Variants in RRAGD observed in about 807,000 individuals in gnomAD.
RRAGD encodes ras-related GTP-binding protein D.
A neutral mutation model predicts 35.5 loss-of-function variants in RRAGD; 12 were observed. The observed-to-expected ratio is 0.34, with a 90% CI of 0.22 to 0.55. The LOEUF is 0.55. Ranked by LOEUF, RRAGD falls within the 20% of genes least tolerant of loss-of-function variation. The pLI is 0.91. For missense variants in RRAGD, 324 were observed against 490.1 expected (o/e 0.66, Z 3.20); for synonymous variants, 155 against 178.9 (o/e 0.87, Z 1.07).
At chr6:89,407,454 A>G (rs754764855) in intron 1 of RRAGD, among the ~76,000 whole-genome samples, 1 of 152,196 alleles carries the variant, frequency 6.6e-6, no homozygotes, top group East Asian at 1.9e-4. Flanking sequence ...CCTGGTCAAC[A>G]TGGTGAAACC....
chr6:89,402,888 C>T (rs1226863759), intron 1 of RRAGD, among the ~76,000 whole-genome samples: 1 of 152,200 alleles, frequency 6.6e-6, no homozygotes, highest in Non-Finnish European at 1.5e-5. Context: ...ACTCCAACCT[C>T]TCATCAACCT....
intron 5 of RRAGD, among the ~76,000 whole-genome samples, chr6:89,374,217 A>G (rs1341684155): frequency 2.0e-5 from 3 of 152,210 alleles, no homozygotes; most frequent in Admixed American, 6.5e-5. Flanking sequence ...AGGCTAGGGG[A>G]AAATAAGATA....
In RRAGD at chr6:89,411,163, C is replaced by T. The variant is rs1365386520; in HGVS notation, c.148+683G>A. ...TTGAAGCAAAGAATTCCCCGCCGCG[C>T]GCTCACTCCCGGGCAGGCACTGCCA... On this transcript the variant is annotated intron_variant, in intron 1 of 6. Coordinates refer to ENST00000369415, the MANE Select transcript of RRAGD (RefSeq NM_021244.5). This position sits in a 1 kb window ranked among gnomAD's most constrained non-coding sequence, Gnocchi z 5.6. Among the ~76,000 whole-genome samples the T allele has an allele frequency of 6.6e-6, 1 of 152,250 alleles. No individual in the cohort carries two copies. The highest frequency in any genetic ancestry group is 1.5e-5 in the Non-Finnish European group (1 of 68,040).
rs1365596815 is a variant in RRAGD, at chr6:89,367,116, AAAGTCCAGAATTGTATCTATGTTTTT to A, written c.*914_*939del. ...CACACCAGACCATCGCACAGGGCCA[AAAGTCCAGAATTGTATCTATGTTTTT>A]TAGTCTGCAGTTGCCAATCACATAC... On this transcript the variant is annotated 3_prime_UTR_variant, in exon 7 of 7. Coordinates refer to ENST00000369415, the MANE Select transcript of RRAGD (RefSeq NM_021244.5). 2.0e-5 allele frequency: 3 copies of A among 152,216 alleles called. No individual in the cohort carries two copies. Among genetic ancestry groups the A allele is most frequent in the African/African-American group, 7.2e-5 (3 of 41,446 alleles). 9.4% of individuals were successfully genotyped at this position (152,216 alleles called of 1,614,324 possible). A position where few individuals can be genotyped will look rare whatever the true frequency, so the allele number is the denominator to read the frequency against.
At chr6:89,399,207 C>T (rs749411112) in intron 1 of RRAGD, among the ~76,000 whole-genome samples, 4 of 152,128 alleles carry the variant, frequency 2.6e-5, no homozygotes, top group African/African-American at 7.2e-5. Flanking sequence ...GGGAGGGTGG[C>T]GAGGTGACAG....
chr6:89,367,876 C>T lies in RRAGD; in HGVS notation c.*180G>A, dbSNP rs2127882604. The T allele has an allele frequency of 4.3e-6, 2 of 463,192 alleles. No individual in the cohort carries two copies. The highest frequency in any genetic ancestry group is 1.5e-4 in the South Asian group (2 of 13,010). 28.7% of individuals were successfully genotyped at this position (463,192 alleles called of 1,614,324 possible). A position where few individuals can be genotyped will look rare whatever the true frequency, so the allele number is the denominator to read the frequency against. ...ATCACTGTTAATATACAAGTTTTTG[C>T]TTCAAAGTGCTTACTTTATTTATAA... is the stretch of plus-strand genomic sequence containing the variant. On this transcript the variant is annotated 3_prime_UTR_variant, in exon 7 of 7. Coordinates refer to ENST00000369415, the MANE Select transcript of RRAGD (RefSeq NM_021244.5).
intron 6 of RRAGD, 88 bp downstream of exon 6, chr6:89,372,349 G>A (rs1228076210): frequency 1.9e-5 from 26 of 1,403,512 alleles, no homozygotes; most frequent in Non-Finnish European, 2.3e-5. Flanking sequence ...GGGCTATGCT[G>A]TTGTCCACCC....
chr6:89,395,821 T>C (rs998783212), intron 1 of RRAGD, among the ~76,000 whole-genome samples: 8 of 151,874 alleles, frequency 5.3e-5, no homozygotes, highest in African/African-American at 1.9e-4. Context: ...GACAGACAAA[T>C]AGACAAACAG....
chr6:89,404,411 C>T (rs1166955171), intron 1 of RRAGD, among the ~76,000 whole-genome samples: 1 of 152,190 alleles, frequency 6.6e-6, no homozygotes, highest in Non-Finnish European at 1.5e-5. Flanking sequence ...CAGATCAGCA[C>T]TTGGAACTGG....
At chr6:89,408,220 C>A (rs578093780) in intron 1 of RRAGD, among the ~76,000 whole-genome samples, 1 of 151,912 alleles carries the variant, frequency 6.6e-6, no homozygotes. Context: ...CTAAATACTT[C>A]GCTCATTTCT....
At position 89,367,023 on chromosome 6, in the gene RRAGD, G is replaced by A. The variant is rs1006594583; in HGVS notation, c.*1033C>T. 6.6e-5 allele frequency: 10 copies of A among 152,198 alleles called. No individual in the cohort carries two copies. 9.4% of individuals were successfully genotyped at this position (152,198 alleles called of 1,614,324 possible). On this transcript the variant is annotated 3_prime_UTR_variant, in exon 7 of 7. Coordinates refer to ENST00000369415, the MANE Select transcript of RRAGD (RefSeq NM_021244.5). Reference sequence around the variant, plus strand: ...ATTGAGCTCCATGGTGGGGTTCTGCGATTTGTTCTATTCACTATGGTCATG... The same window carrying A: ...ATTGAGCTCCATGGTGGGGTTCTGCAATTTGTTCTATTCACTATGGTCATG...
At chr6:89,376,705 GCT>G (rs150438887) in intron 5 of RRAGD, among the ~76,000 whole-genome samples, 5,578 of 152,074 alleles carry the variant, frequency 0.037, 350 homozygotes, top group African/African-American at 0.13. Flanking sequence ...TGTATAGGAA[GCT>G]CTGTTTTCTA....
chr6:89,381,321 GA>G (rs1769038558), intron 2 of RRAGD, among the ~76,000 whole-genome samples: 1 of 152,124 alleles, frequency 6.6e-6, no homozygotes, highest in South Asian at 2.1e-4. Flanking sequence ...CCCCTTTACA[GA>G]AAAAGTCCCC....
Position 89,412,039 on chromosome 6 carries a change from TGG to T in RRAGD, c.-48_-47del, listed in dbSNP as rs1562472922. 2.7e-6 allele frequency: 4 copies of T among 1,506,012 alleles called. No individual in the cohort carries two copies. Among genetic ancestry groups the T allele is most frequent in the Non-Finnish European group, 3.5e-6 (4 of 1,131,830 alleles). The allele number at this position is 1,506,012 out of a possible 1,614,324, so 93.3% of individuals were successfully genotyped here. On this transcript the variant is annotated 5_prime_UTR_variant, in exon 1 of 7. Coordinates refer to ENST00000369415, the MANE Select transcript of RRAGD (RefSeq NM_021244.5). This position sits in a 1 kb window ranked among gnomAD's most constrained non-coding sequence, Gnocchi z 4.2. The stretch of plus-strand genomic sequence containing the variant: ...CCCGGGGACGGCGGGGGTCCCGGGG[TGG>T]GGGCCAAGCCTCCTAGCCGGCCGCC...
At chr6:89,373,995 A>G (rs555238366) in intron 5 of RRAGD, among the ~76,000 whole-genome samples, 4 of 152,292 alleles carry the variant, frequency 2.6e-5, no homozygotes, top group Non-Finnish European at 4.4e-5. Flanking sequence ...CTTACCTAAA[A>G]CTGTACATAA....
intron 1 of RRAGD, among the ~76,000 whole-genome samples, chr6:89,399,200 A>G (rs1292506615): frequency 6.6e-6 from 1 of 152,158 alleles, no homozygotes; most frequent in East Asian, 1.9e-4. Context: ...TCCTCCTGGG[A>G]GGGTGGCGAG....
intron 2 of RRAGD, among the ~76,000 whole-genome samples, chr6:89,384,100 T>TAA (rs766030327): frequency 1.3e-4 from 17 of 132,150 alleles, no homozygotes; most frequent in African/African-American, 3.6e-4. Flanking sequence ...AGACTCCATC[T>TAA]AAAAAAAAAA....
intron 1 of RRAGD, among the ~76,000 whole-genome samples, chr6:89,400,215 T>G (rs1178792798): frequency 6.6e-6 from 1 of 152,064 alleles, no homozygotes; most frequent in Non-Finnish European, 1.5e-5. Flanking sequence ...AATCAACTTG[T>G]GGGGATTAAA....
chr6:89,401,207 T>G (rs1158976349), intron 1 of RRAGD, among the ~76,000 whole-genome samples: 1 of 151,762 alleles, frequency 6.6e-6, no homozygotes, highest in African/African-American at 2.4e-5. Flanking sequence ...GGTTAGGGAA[T>G]GCAGTTTGAA....
Sources: allele counts gnomAD v4.1 joint callset (sites outside exome capture counted in the v4.1 genomes callset), GRCh38; gene constraint gnomAD v4.1.1; non-coding constraint Gnocchi (gnomAD v3.1); transcripts MANE v1.5; gene names NCBI Gene and HGNC (gene_info 2026-07-23, HGNC 2026-07-21).